Variants in SPIDR observed in about 807,000 individuals in gnomAD.
The protein encoded by SPIDR is DNA repair-scaffolding protein.
A neutral mutation model predicts 104.6 loss-of-function variants in SPIDR; 93 were observed. That is an observed-to-expected ratio of 0.89 (90% CI 0.75 to 1.06). The LOEUF is 1.06. Ranked by LOEUF, SPIDR falls within the 50% of genes least tolerant of loss-of-function variation. The pLI is 0.00. For synonymous variants in SPIDR, 431 were observed against 416.9 expected (o/e 1.03, Z -0.41); for missense variants, 1,154 against 1,111.2 (o/e 1.04, Z -0.55).
chr8:47,601,893 G>A (rs1457954518), intron 10 of SPIDR, among the ~76,000 whole-genome samples: 1 of 152,090 alleles, frequency 6.6e-6, no homozygotes, highest in Non-Finnish European at 1.5e-5. Context: ...AGATGTCTTT[G>A]GGTACAAGAA....
At chr8:47,700,739 G>A (rs2080057976) in intron 12 of SPIDR, among the ~76,000 whole-genome samples, 1 of 152,234 alleles carries the variant, frequency 6.6e-6, no homozygotes, top group African/African-American at 2.4e-5. Context: ...GTTAACTTAT[G>A]ATGAATGCTT....
At chr8:47,417,354 G>A (rs1387130384) in intron 7 of SPIDR, among the ~76,000 whole-genome samples, 3 of 152,128 alleles carry the variant, frequency 2.0e-5, no homozygotes, top group Non-Finnish European at 2.9e-5. Flanking sequence ...TTGTGGTTTC[G>A]ATTTGCATTT....
chr8:47,608,033 G>A (rs1272621773), intron 10 of SPIDR, among the ~76,000 whole-genome samples: 1 of 152,050 alleles, frequency 6.6e-6, no homozygotes, highest in South Asian at 2.1e-4. Context: ...ACAGACTTGT[G>A]CAATCATAAC....
intron 8 of SPIDR, among the ~76,000 whole-genome samples, chr8:47,458,862 T>C (rs1003469056): frequency 1.3e-5 from 2 of 152,086 alleles, no homozygotes; most frequent in South Asian, 2.1e-4. Context: ...TGCCAGCTTT[T>C]GTGAAATGCT....
At position 47,492,366 on chromosome 8, in the gene SPIDR, G is replaced by A. The variant is rs188134619; in HGVS notation, c.1097+51824G>A. ...ACAAAGGCCATTTCCTCTACGGAGG[G>A]GTTGGTTTTGAAAATCAGCCAGGTC... is the stretch of plus-strand genomic sequence containing the variant. On this transcript the variant is annotated intron_variant, in intron 8 of 19. Coordinates refer to ENST00000297423, the MANE Select transcript of SPIDR (RefSeq NM_001080394.4). 7.2e-5 allele frequency among the ~76,000 whole-genome samples: 11 copies of A among 151,964 alleles called. No individual in the cohort carries two copies. The East Asian group carries it at 2.1e-3, about 30-fold the overall frequency.
chr8:47,625,343 C>G (rs1356579185), intron 10 of SPIDR, among the ~76,000 whole-genome samples: 1 of 152,182 alleles, frequency 6.6e-6, no homozygotes, highest in Non-Finnish European at 1.5e-5. Flanking sequence ...GGGATGCCCT[C>G]TCTCACCACT....
At chr8:47,265,182 A>G (rs1432175502) in intron 1 of SPIDR, among the ~76,000 whole-genome samples, 1 of 141,680 alleles carries the variant, frequency 7.1e-6, no homozygotes, top group Non-Finnish European at 1.5e-5. Context: ...TTGACATCTC[A>G]GTTGTCTTTT....
chr8:47,712,676 G>A lies in SPIDR; in HGVS notation c.1992G>A (p.Leu664=). Residue 664 remains leucine, a synonymous_variant, in exon 15 of 20, where the codon CTG becomes CTA. Transcript: ENST00000297423. ...TCAAATTGTAGCTGAAGAGTCTGCT[G>A]CTTCTGGAGCAAAGGGAGATCTGGC... The part of the protein sequence containing the change: ...IYQKPQLKSL[L]LLEQREIWLL... 1 of 1,614,032 alleles carries A rather than the reference G, an allele frequency of 6.2e-7. No individual in the cohort carries two copies.
chr8:47,727,153 G>A (rs1166303814), intron 16 of SPIDR, 47 bp from the exon 17 acceptor site: 1 of 1,572,096 alleles, frequency 6.4e-7, no homozygotes, highest in Admixed American at 1.7e-5. Context: ...AGGAGTCAGA[G>A]AGGGCAGAGC....
chr8:47,605,850 A>G (rs959443808), intron 10 of SPIDR, among the ~76,000 whole-genome samples: 9 of 152,250 alleles, frequency 5.9e-5, no homozygotes, highest in Admixed American at 3.3e-4. Flanking sequence ...GAGCATTGCT[A>G]CAATAATAGA....
intron 16 of SPIDR, among the ~76,000 whole-genome samples, chr8:47,722,389 A>G (rs537577179): frequency 1.3e-5 from 2 of 152,312 alleles, no homozygotes; most frequent in African/African-American, 4.8e-5. Context: ...AGCTAGGACT[A>G]TCAGTACCAT....
intron 6 of SPIDR, among the ~76,000 whole-genome samples, chr8:47,401,152 A>G (rs1415659108): frequency 6.6e-6 from 1 of 152,226 alleles, no homozygotes; most frequent in East Asian, 1.9e-4. Flanking sequence ...CAGACACTCT[A>G]GAAGCCAGAA....
intron 8 of SPIDR, among the ~76,000 whole-genome samples, chr8:47,487,582 C>G (rs944987962): frequency 1.3e-5 from 2 of 152,106 alleles, no homozygotes; most frequent in African/African-American, 4.8e-5. Flanking sequence ...GTACTTACTC[C>G]AAAATTGACC....
In SPIDR at chr8:47,498,688, G is replaced by C. The variant is rs547978361; in HGVS notation, c.1097+58146G>C. ...AGGGAGAGAATATCACATCTATCAG[G>C]TCAAGACTTGTACATTTGCCACACC... On this transcript the variant is annotated intron_variant, in intron 8 of 19. Transcript: ENST00000297423. 3.3e-5 allele frequency among the ~76,000 whole-genome samples: 5 copies of C among 152,200 alleles called. No individual in the cohort carries two copies. The South Asian group carries it at 1.0e-3, about 32-fold the overall frequency.
intron 5 of SPIDR, among the ~76,000 whole-genome samples, chr8:47,303,298 G>A (rs372525774): frequency 9.5e-4 from 145 of 152,290 alleles, no homozygotes; most frequent in African/African-American, 3.3e-3. Context: ...TTAGAAAAGC[G>A]CAGTATTAGG....
At chr8:47,668,562 A>T (rs1451294293) in intron 10 of SPIDR, among the ~76,000 whole-genome samples, 2 of 152,232 alleles carry the variant, frequency 1.3e-5, no homozygotes, top group African/African-American at 4.8e-5. Flanking sequence ...TACCAACAAT[A>T]AAAGCAAACA....
intron 10 of SPIDR, among the ~76,000 whole-genome samples, chr8:47,640,064 C>G (rs1296988377): frequency 1.3e-5 from 2 of 152,198 alleles, no homozygotes; most frequent in Non-Finnish European, 2.9e-5. Flanking sequence ...AGAGCCACAG[C>G]CGACAGCAGG....
chr8:47,620,335 C>T (rs555388101), intron 10 of SPIDR, among the ~76,000 whole-genome samples: 20 of 143,134 alleles, frequency 1.4e-4, no homozygotes, highest in African/African-American at 4.4e-4. Flanking sequence ...AGTGCAGTGG[C>T]GTGATCTTGG....
chr8:47,566,437 A>T (rs1003480161), intron 8 of SPIDR, among the ~76,000 whole-genome samples: 2 of 152,044 alleles, frequency 1.3e-5, no homozygotes, highest in Admixed American at 1.3e-4. Flanking sequence ...GCTTTAAGTG[A>T]GTAGTCATAG....
Sources: allele counts gnomAD v4.1 joint callset (sites outside exome capture counted in the v4.1 genomes callset), GRCh38; gene constraint gnomAD v4.1.1; transcripts MANE v1.5; gene names NCBI Gene and HGNC (gene_info 2026-07-23, HGNC 2026-07-21).